Variants in LMNB1 observed in about 807,000 individuals in gnomAD.
LMNB1 encodes lamin B1.
A neutral mutation model predicts 67.1 loss-of-function variants in LMNB1; 23 were observed. The ratio of observed to expected loss-of-function variants is 0.34; its 90% CI spans 0.25 to 0.49. The LOEUF is 0.49. LMNB1 is among the 20% of genes least tolerant of loss of function. The pLI is 0.99. For synonymous variants in LMNB1, 281 were observed against 282.9 expected, an observed-to-expected ratio of 0.99 and a Z score of 0.07; for missense variants, 634 against 746.5, an observed-to-expected ratio of 0.85 and a Z score of 1.76.
Position 126,819,250 on chromosome 5 carries a change from C to A in LMNB1, c.1160+108C>A, listed in dbSNP as rs980270960. ...TTAAAAAGAACTTTATTTTCTTGGT[C>A]ATTTCTTTGAACACCTAGGTATAGA... is the stretch of plus-strand genomic sequence containing the variant. On this transcript the variant is annotated intron_variant, in intron 6 of 10. Transcript: ENST00000261366. 2.2e-5 allele frequency: 16 copies of A among 729,796 alleles called. No homozygotes were observed. The African/African-American group carries it at 2.5e-4, about 11-fold the overall frequency. 45.2% of individuals were successfully genotyped at this position (729,796 alleles called of 1,614,324 possible). A position where few individuals can be genotyped will look rare whatever the true frequency, so the allele number is the denominator to read the frequency against.
At position 126,829,277 on chromosome 5, in the gene LMNB1, C is replaced by T. The variant is rs7731363; in HGVS notation, c.1611+3170C>T. Among the ~76,000 whole-genome samples, 844 of 151,998 alleles carry T rather than the reference C, an allele frequency of 5.6e-3. 10 individuals carry two copies. Among genetic ancestry groups the T allele is most frequent in the African/African-American group, 0.019 (775 of 41,478 alleles). The stretch of plus-strand genomic sequence containing the variant: ...AATCCAGTGGCTCACAGCATGTCCC[C>T]GGGGATCTGTCTGTTGTTTCTCTTC... On this transcript the variant is annotated intron_variant, in intron 9 of 10. Coordinates refer to ENST00000261366, the MANE Select transcript of LMNB1 (RefSeq NM_005573.4).
rs781322200 is a variant in LMNB1 at position 126,836,243 on chromosome 5, T to TAGA, written c.1743_1745dup (p.Arg581dup). ...ATCAGGGAACCCCAAGAGCATCCAA[T>TAGA]AGAAGCTGTGCAATTATGTAAAATT... On this transcript the variant is annotated inframe_insertion, in exon 11 of 11. Coordinates refer to ENST00000261366, the MANE Select transcript of LMNB1 (RefSeq NM_005573.4). The TAGA allele has an allele frequency of 2.5e-6, 4 of 1,610,344 alleles. No individual in the cohort carries two copies. The Admixed American group carries it at 6.7e-5, about 27-fold the overall frequency.
At chr5:126,815,253 T>C (rs1288485016) in intron 5 of LMNB1, 1 of 152,214 alleles carries the variant, frequency 6.6e-6, no homozygotes, top group Non-Finnish European at 1.5e-5. Context: ...CTCAGGTTAG[T>C]GAAGTACTTC....
At chr5:126,799,751 C>T (rs765589380) in intron 1 of LMNB1, among the ~76,000 whole-genome samples, 3 of 152,202 alleles carry the variant, frequency 2.0e-5, no homozygotes, top group Admixed American at 6.5e-5. Context: ...TGAGCCTTTC[C>T]GCACCGTCTC....
Position 126,834,618 on chromosome 5 carries a change from T to C in LMNB1, c.1720-1605T>C, listed in dbSNP as rs190387779. Among the ~76,000 whole-genome samples, 104 of 152,334 alleles carry C rather than the reference T, an allele frequency of 6.8e-4. 1 individual carries two copies. The highest frequency in any genetic ancestry group is 2.1e-3 in the African/African-American group (86 of 41,578). On this transcript the variant is annotated intron_variant, in intron 10 of 10. Coordinates refer to ENST00000261366, the MANE Select transcript of LMNB1 (RefSeq NM_005573.4). ...AAGAATGTGGCCGGGCACGGTGGCT[T>C]ACGCCTGTAATCCCAGCAGTTTGGG...
intron 6 of LMNB1, among the ~76,000 whole-genome samples, chr5:126,820,459 T>G (rs1423883077): frequency 6.6e-6 from 1 of 152,208 alleles, no homozygotes; most frequent in Non-Finnish European, 1.5e-5. Context: ...TAAGGTAAAC[T>G]TTGGCTTTGG....
intron 1 of LMNB1, among the ~76,000 whole-genome samples, chr5:126,796,171 C>G (rs894613689): frequency 6.6e-6 from 1 of 151,904 alleles, no homozygotes; most frequent in Admixed American, 6.6e-5. Context: ...TCAGGTGATC[C>G]GCCAGCCTTA....
At chr5:126,830,140 A>G (rs529116329) in intron 9 of LMNB1, among the ~76,000 whole-genome samples, 59 of 152,222 alleles carry the variant, frequency 3.9e-4, no homozygotes, top group Non-Finnish European at 7.2e-4. Flanking sequence ...TGTGGTATAA[A>G]TACTCCTACT....
chr5:126,826,445 A>G (rs1017562713), intron 9 of LMNB1, among the ~76,000 whole-genome samples: 15 of 152,228 alleles, frequency 9.9e-5, no homozygotes, highest in African/African-American at 3.6e-4. Flanking sequence ...AGCTAATAAT[A>G]AGAATGAGAC....
At chr5:126,779,260 G>C (rs1462142020) in intron 1 of LMNB1, among the ~76,000 whole-genome samples, 1 of 152,176 alleles carries the variant, frequency 6.6e-6, no homozygotes, top group East Asian at 1.9e-4. Flanking sequence ...AGCGAAAAAC[G>C]ATAACTGCAC....
intron 9 of LMNB1, 116 bp from the exon 10 acceptor site, chr5:126,832,578 G>A (rs1229743928): frequency 1.5e-6 from 1 of 657,750 alleles, no homozygotes; most frequent in South Asian, 1.5e-5. Context: ...GGGATTACAG[G>A]TGTGAGCCAC....
chr5:126,798,816 A>G (rs1264680758), intron 1 of LMNB1, among the ~76,000 whole-genome samples: 1 of 151,292 alleles, frequency 6.6e-6, no homozygotes, highest in Non-Finnish European at 1.5e-5. Context: ...CAAAATAGTC[A>G]TTATCTGAGT....
chr5:126,798,761 A>ATGTGTGTG (rs1259847457), intron 1 of LMNB1, among the ~76,000 whole-genome samples: 3 of 84,698 alleles, frequency 3.5e-5, no homozygotes, highest in Non-Finnish European at 7.3e-5. Flanking sequence ...GAAAAAAGAG[A>ATGTGTGTG]AGTGTGTGTG....
chr5:126,781,386 G>T (rs1473298273), intron 1 of LMNB1, among the ~76,000 whole-genome samples: 2 of 152,154 alleles, frequency 1.3e-5, no homozygotes, highest in African/African-American at 4.8e-5. Context: ...AAATAGCTTT[G>T]GGCTAGGTAT....
chr5:126,832,283 ATAATAG>A (rs918489444), intron 9 of LMNB1, among the ~76,000 whole-genome samples: 3 of 152,088 alleles, frequency 2.0e-5, no homozygotes, highest in African/African-American at 7.2e-5. Context: ...AAAGGGATGA[ATAATAG>A]TAATAATAAT....
chr5:126,797,846 C>T (rs1192550026), intron 1 of LMNB1, among the ~76,000 whole-genome samples: 1 of 152,062 alleles, frequency 6.6e-6, no homozygotes. Flanking sequence ...GAGGCTGAGG[C>T]GGACAGGTCA....
In LMNB1 at chr5:126,777,493, G is replaced by A; in HGVS notation, c.-16G>A. 1 of 1,320,990 alleles carries A rather than the reference G, an allele frequency of 7.6e-7. No individual in the cohort carries two copies. Among genetic ancestry groups the A allele is most frequent in the South Asian group, 2.4e-5 (1 of 42,466 alleles). 81.8% of individuals were successfully genotyped at this position (1,320,990 alleles called of 1,614,324 possible). A position where few individuals can be genotyped will look rare whatever the true frequency, so the allele number is the denominator to read the frequency against. Reference sequence around the variant, plus strand: ...CCGCTCGCGGCCTCGCCGCCCCGCTGTCTCCGCCGCCCGCCATGGCGACTG... The same window carrying A: ...CCGCTCGCGGCCTCGCCGCCCCGCTATCTCCGCCGCCCGCCATGGCGACTG... On this transcript the variant is annotated 5_prime_UTR_variant, in exon 1 of 11. Transcript: ENST00000261366.
chr5:126,786,048 C>T (rs963157282), intron 1 of LMNB1, among the ~76,000 whole-genome samples: 2 of 150,432 alleles, frequency 1.3e-5, no homozygotes, highest in Non-Finnish European at 1.5e-5. Context: ...AAAAAAAAAG[C>T]TGACATTTAT....
At chr5:126,786,736 A>G (rs1184140920) in intron 1 of LMNB1, among the ~76,000 whole-genome samples, 1 of 152,144 alleles carries the variant, frequency 6.6e-6, no homozygotes, top group South Asian at 2.1e-4. Flanking sequence ...TGGAAATGCT[A>G]CTAGTTGCAT....
Sources: allele counts gnomAD v4.1 joint callset (sites outside exome capture counted in the v4.1 genomes callset), GRCh38; gene constraint gnomAD v4.1.1; transcripts MANE v1.5; gene names NCBI Gene and HGNC (gene_info 2026-07-23, HGNC 2026-07-21).